Variants in COL22A1 observed in about 807,000 individuals in gnomAD.
COL22A1 encodes collagen alpha-1(XXII) chain.
Under a neutral mutation model 248.9 loss-of-function variants are expected in COL22A1, and 221 were observed. That is an observed-to-expected ratio of 0.89 (90% CI 0.80 to 0.99). COL22A1 has a LOEUF of 0.99. Among genes scored for constraint, COL22A1 ranks in the 50% least tolerant of loss-of-function variants. The pLI is 0.00. For missense variants in COL22A1, 2,240 were observed against 2,179.0 expected (o/e 1.03, Z -0.56); for synonymous variants, 891 against 793.4 (o/e 1.12, Z -2.07).
chr8:138,725,427 G>A lies in COL22A1; in HGVS notation c.2153C>T (p.Pro718Leu). The A allele has an allele frequency of 6.2e-7, 1 of 1,613,938 alleles. No homozygotes were observed. The highest frequency in any genetic ancestry group is 8.5e-7 in the Non-Finnish European group (1 of 1,179,964). Residue 718 changes from proline (P) to leucine (L), a missense_variant, in exon 24 of 65, where the codon CCC (proline) becomes CTC (leucine). Coordinates refer to ENST00000303045, the MANE Select transcript of COL22A1 (RefSeq NM_152888.3). The part of the protein sequence containing the change: ...GLLGLQGPPG[P>L]PGVPGPPGPG... Reference sequence around the variant, plus strand: ...TCCAGGGGGGCCTGGGACACCAGGGGGTCCTGGAGGGCCCTGTAGAGAAAG... The same window carrying A: ...TCCAGGGGGGCCTGGGACACCAGGGAGTCCTGGAGGGCCCTGTAGAGAAAG...
chr8:138,746,881 CT>C (rs1437813331), intron 22 of COL22A1, among the ~76,000 whole-genome samples: 3 of 152,210 alleles, frequency 2.0e-5, no homozygotes, highest in Non-Finnish European at 4.4e-5. Context: ...TGGGAGCCTT[CT>C]AACTGGCCTC....
At chr8:138,852,027 A>T (rs1821683207) in intron 3 of COL22A1, among the ~76,000 whole-genome samples, 2 of 151,892 alleles carry the variant, frequency 1.3e-5, no homozygotes, top group African/African-American at 4.8e-5. Flanking sequence ...GGGGGATTGG[A>T]GGCAACTACA....
intron 41 of COL22A1, among the ~76,000 whole-genome samples, chr8:138,664,203 G>GCGCA (rs1824262792): frequency 1.1e-5 from 1 of 90,116 alleles, no homozygotes; most frequent in African/African-American, 4.1e-5. Context: ...GTGCGCGCGC[G>GCGCA]CGCGCGCACA....
chr8:138,775,809 CACAT>C (rs1814393772), intron 16 of COL22A1, among the ~76,000 whole-genome samples, 153 bp downstream of exon 16: 1 of 152,198 alleles, frequency 6.6e-6, no homozygotes, highest in African/African-American at 2.4e-5. Flanking sequence ...GCCACATGCA[CACAT>C]ACACATGCAA....
intron 32 of COL22A1, among the ~76,000 whole-genome samples, chr8:138,699,563 G>A (rs76734214): frequency 0.024 from 3,583 of 152,322 alleles, 51 homozygotes; most frequent in African/African-American, 0.038. Context: ...GTTTCTAGAC[G>A]TTGCAGTGCT....
intron 11 of COL22A1, among the ~76,000 whole-genome samples, chr8:138,801,563 G>A (rs1178247460): frequency 6.6e-6 from 1 of 152,092 alleles, no homozygotes; most frequent in Non-Finnish European, 1.5e-5. Context: ...CACCCACTAT[G>A]GGCCAGGCAT....
At chr8:138,890,680 C>T (rs1825000410) in intron 1 of COL22A1, among the ~76,000 whole-genome samples, 1 of 152,068 alleles carries the variant, frequency 6.6e-6, no homozygotes, top group Non-Finnish European at 1.5e-5. Flanking sequence ...AACCAATAAA[C>T]AAATTCAACG....
chr8:138,748,199 T>G (rs1832287056), intron 22 of COL22A1, among the ~76,000 whole-genome samples: 1 of 152,174 alleles, frequency 6.6e-6, no homozygotes, highest in Non-Finnish European at 1.5e-5. Context: ...CCGGCTCCTC[T>G]CAGTGGCCTC....
rs140263027 is a variant in COL22A1, at chr8:138,818,281, A to G, written c.1245+2855T>C. Among the ~76,000 whole-genome samples the G allele has an allele frequency of 8.4e-3, 1,284 of 152,276 alleles. 18 individuals carry two copies. The highest frequency in any genetic ancestry group is 0.028 in the African/African-American group (1,168 of 41,560). On this transcript the variant is annotated intron_variant, in intron 7 of 64. Coordinates refer to ENST00000303045, the MANE Select transcript of COL22A1 (RefSeq NM_152888.3). ...ATGGAGCTCACAGAGCCAGAGTCCT[A>G]GCCTGGCTGCCCAAGACAGGGAACT...
At chr8:138,902,604 G>A (rs1372424391) in intron 1 of COL22A1, among the ~76,000 whole-genome samples, 3 of 151,830 alleles carry the variant, frequency 2.0e-5, no homozygotes, top group Admixed American at 2.0e-4. Context: ...TACTCGGGAG[G>A]TTGAGGCAAG....
intron 3 of COL22A1, among the ~76,000 whole-genome samples, chr8:138,850,491 C>T (rs1821553684): frequency 6.6e-6 from 1 of 152,078 alleles, no homozygotes; most frequent in Admixed American, 6.5e-5. Flanking sequence ...AAAGATGCGG[C>T]ACGAAGAATG....
intron 16 of COL22A1, among the ~76,000 whole-genome samples, chr8:138,771,319 C>T (rs927015412): frequency 3.3e-5 from 5 of 152,214 alleles, no homozygotes; most frequent in South Asian, 4.1e-4. Context: ...TTCTGACCTT[C>T]GGGCCTGGTA....
intron 47 of COL22A1, among the ~76,000 whole-genome samples, chr8:138,639,405 A>G (rs1186573790): frequency 2.0e-5 from 3 of 152,242 alleles, no homozygotes; most frequent in African/African-American, 4.8e-5. Flanking sequence ...TTATAGTCAG[A>G]AAGACTGACT....
At chr8:138,772,578 A>G (rs1834467097) in intron 16 of COL22A1, among the ~76,000 whole-genome samples, 1 of 152,252 alleles carries the variant, frequency 6.6e-6, no homozygotes, top group African/African-American at 2.4e-5. Flanking sequence ...AATAGAATAC[A>G]GGAACGGATG....
chr8:138,794,830 A>T (rs1816361675), intron 12 of COL22A1, among the ~76,000 whole-genome samples: 1 of 152,218 alleles, frequency 6.6e-6, no homozygotes, highest in South Asian at 2.1e-4. Context: ...ATACTACATA[A>T]TTCCACATAT....
At chr8:138,612,894 C>A (rs1320537100) in intron 56 of COL22A1, among the ~76,000 whole-genome samples, 1 of 146,126 alleles carries the variant, frequency 6.8e-6, no homozygotes, top group African/African-American at 2.6e-5. Context: ...CAAGATCACG[C>A]CACTGCACTC....
intron 57 of COL22A1, among the ~76,000 whole-genome samples, chr8:138,606,792 A>G (rs761278892): frequency 3.9e-5 from 6 of 152,184 alleles, no homozygotes; most frequent in Non-Finnish European, 7.3e-5. Flanking sequence ...ACCACTGCCC[A>G]TGAGGCGGCC....
In COL22A1 at chr8:138,598,892, G is replaced by C; in HGVS notation, c.4192C>G (p.Pro1398Ala). 1 of 1,614,108 alleles carries C rather than the reference G, an allele frequency of 6.2e-7. No individual in the cohort carries two copies. The highest frequency in any genetic ancestry group is 8.5e-7 in the Non-Finnish European group (1 of 1,180,006). ...GGTCCTTTGTCACCTTTGATCCCAG[G>C]ATCTCCCTAAGGAGGAAATAAGCAT... is the stretch of plus-strand genomic sequence containing the variant. ...EPGFKGERGD[P>A]GIKGDKGPPG... Residue 1398 changes from proline (P) to alanine (A), a missense_variant, in exon 61 of 65, where the codon CCT (proline) becomes GCT (alanine). Coordinates refer to ENST00000303045, the MANE Select transcript of COL22A1 (RefSeq NM_152888.3).
At chr8:138,746,616 C>T (rs1256151859) in intron 22 of COL22A1, among the ~76,000 whole-genome samples, 2 of 152,220 alleles carry the variant, frequency 1.3e-5, no homozygotes, top group Non-Finnish European at 2.9e-5. Flanking sequence ...ACTTGCTCAT[C>T]GTCCTTCATT....
Sources: gnomAD v4.1 joint callset for allele counts (sites outside exome capture counted in the v4.1 genomes callset) on GRCh38, gnomAD v4.1.1 for gene constraint, MANE v1.5 for transcripts, NCBI Gene and HGNC (gene_info 2026-07-23, HGNC 2026-07-21) for gene names.